Variants in VCAN observed in about 807,000 individuals in gnomAD.
The protein encoded by VCAN is versican core protein.
Under a neutral mutation model 245.5 loss-of-function variants are expected in VCAN, and 44 were observed. The ratio of observed to expected loss-of-function variants is 0.18; its 90% CI spans 0.14 to 0.23. The LOEUF (loss-of-function observed/expected upper bound fraction) is 0.23. Among genes scored for constraint, VCAN ranks in the 10% least tolerant of loss-of-function variants. VCAN has a pLI of 1.00. For synonymous variants in VCAN, 1,413 were observed against 1,437.0 expected (o/e 0.98, Z 0.38); for missense variants, 3,793 against 4,057.9 (o/e 0.93, Z 1.77).
Position 83,537,867 on chromosome 5 carries a change from G to A in VCAN, c.4864G>A (p.Ala1622Thr), listed in dbSNP as rs1182525987. 1.9e-6 allele frequency: 3 copies of A among 1,613,844 alleles called. No homozygotes were observed. The highest frequency in any genetic ancestry group is 4.5e-5 in the East Asian group (2 of 44,884). Residue 1622 changes from alanine to threonine, a missense_variant, in exon 8 of 15, where the codon GCA becomes ACA. This residue lies in a region of VCAN where 3,182 missense variants were observed against 3,250.3 expected (regional missense o/e 0.98). Transcript: ENST00000265077. ...GTCTACCAAAGAAAGCTGGGTAGAA[G>A]CAACTCCTAGACAAGTTGTAGAGCT... Reference protein sequence around the residue: ...LLSTKESWVEATPRQVVELSG... With the variant: ...LLSTKESWVETTPRQVVELSG...
At chr5:83,530,712 A>G (rs1206707583) in intron 7 of VCAN, among the ~76,000 whole-genome samples, 1 of 152,140 alleles carries the variant, frequency 6.6e-6, no homozygotes, top group African/African-American at 2.4e-5. Context: ...TTAAGCGAAT[A>G]GCTCCAAGAA....
intron 10 of VCAN, 133 bp from the exon 11 acceptor site, chr5:83,553,231 C>G (rs926466850): frequency 4.0e-6 from 5 of 1,244,538 alleles, no homozygotes; most frequent in Admixed American, 1.9e-5. Flanking sequence ...TCATCGTGAC[C>G]AAATTTTATG....
In VCAN at chr5:83,490,320, A is replaced by G; in HGVS notation, c.293A>G (p.Lys98Arg). Residue 98 changes from lysine (K) to arginine (R), a missense_variant, in exon 3 of 15, where the codon AAA (lysine) becomes AGA (arginine). By Grantham distance (26) the Lys-to-Arg change is conservative (BLOSUM62 2). Coordinates refer to ENST00000265077, the MANE Select transcript of VCAN (RefSeq NM_004385.5). ...NGNIKIGQDY[K>R]GRVSVPTHPE... ...AATATCAAGATTGGTCAGGACTACA[A>G]AGGGAGAGTGTCTGTGCCCACACAT... 1.2e-6 allele frequency: 2 copies of G among 1,614,154 alleles called. No individual in the cohort carries two copies. The highest frequency in any genetic ancestry group is 1.7e-6 in the Non-Finnish European group (2 of 1,180,038).
chr5:83,492,458 T>A (rs2112356794), intron 3 of VCAN, among the ~76,000 whole-genome samples: 1 of 152,358 alleles, frequency 6.6e-6, no homozygotes, highest in African/African-American at 2.4e-5. Flanking sequence ...CAGTGACTTC[T>A]CTGGCATATT....
At chr5:83,562,402 G>A (rs75756236) in intron 12 of VCAN, 4 of 152,084 alleles carry the variant, frequency 2.6e-5, no homozygotes, top group African/African-American at 7.2e-5. Flanking sequence ...GTTCTAGAAC[G>A]CAACTCTGCT....
chr5:83,572,458 T>G lies in VCAN; in HGVS notation c.9778T>G (p.Ser3260Ala). The change falls in exon 13 of 15, where the codon TCT (serine) becomes GCT (alanine). Residue 3260 changes from serine to alanine, a missense_variant. Around this residue, in one of 5 missense-constraint regions of VCAN, gnomAD observed 205 missense variants for 321.1 expected, o/e 0.64. Transcript: ENST00000265077. ...WRPNQPDSFFSAGEDCVVIIW... is the reference protein window; with the variant it reads ...WRPNQPDSFFAAGEDCVVIIW... ...ACCCAACCAGCCAGACAGCTTCTTT[T>G]CTGCTGGAGAAGACTGTGTTGTAAT... The G allele has an allele frequency of 6.2e-7, 1 of 1,613,972 alleles. No homozygotes were observed. Among genetic ancestry groups the G allele is most frequent in the East Asian group, 2.2e-5 (1 of 44,858 alleles).
intron 12 of VCAN, among the ~76,000 whole-genome samples, chr5:83,564,070 G>A (rs779082952): frequency 6.6e-6 from 1 of 152,172 alleles, no homozygotes; most frequent in Non-Finnish European, 1.5e-5. Context: ...CAACAGAATA[G>A]AATGCAGTCA....
intron 6 of VCAN, among the ~76,000 whole-genome samples, chr5:83,516,638 T>C (rs567724581): frequency 6.6e-6 from 1 of 152,352 alleles, no homozygotes; most frequent in African/African-American, 2.4e-5. Context: ...TCGTGTTGAT[T>C]TATGTTGGCT....
Position 83,512,171 on chromosome 5 carries a change from C to G in VCAN, c.817C>G (p.Gln273Glu), listed in dbSNP as rs1174055941. 6.2e-7 allele frequency: 1 copy of G among 1,614,096 alleles called. No individual in the cohort carries two copies. Among genetic ancestry groups the G allele is most frequent in the East Asian group, 2.2e-5 (1 of 44,868 alleles). ...GGAGGCTGCAAAAGAGTGTGAAAAC[C>G]AGGATGCCAGGCTGGCAACAGTGGG... is the stretch of plus-strand genomic sequence containing the variant. ...FEEAAKECEN[Q>E]DARLATVGEL... The change falls in exon 6 of 15, where the codon CAG (glutamine) becomes GAG (glutamate). Residue 273 changes from glutamine (Q) to glutamate (E), a missense_variant. Transcript: ENST00000265077.
At chr5:83,518,570 C>G (rs770233580) in intron 6 of VCAN, among the ~76,000 whole-genome samples, 1 of 152,078 alleles carries the variant, frequency 6.6e-6, no homozygotes, top group African/African-American at 2.4e-5. Context: ...TTAGGAGATA[C>G]AAACAGAGTG....
At chr5:83,476,698 T>A (rs1305924149) in intron 1 of VCAN, among the ~76,000 whole-genome samples, 1 of 152,102 alleles carries the variant, frequency 6.6e-6, no homozygotes, top group Non-Finnish European at 1.5e-5. Flanking sequence ...GGTGCGTGTG[T>A]GTGTGTATGT....
chr5:83,518,712 T>C (rs1265496865), intron 6 of VCAN, among the ~76,000 whole-genome samples: 2 of 152,194 alleles, frequency 1.3e-5, no homozygotes, highest in Non-Finnish European at 2.9e-5. Flanking sequence ...GTCCAACACC[T>C]GGGATCAAGT....
chr5:83,494,690 C>T lies in VCAN; in HGVS notation c.748+759C>T, dbSNP rs534081500. On this transcript the variant is annotated intron_variant, in intron 5 of 14. Transcript: ENST00000265077. ...ACAGGGAGGTGGGCACAGTGGCTCACGCCTGTAGTCCCAGCACTTTGGGAG... is the reference window on the plus strand; with the variant it reads ...ACAGGGAGGTGGGCACAGTGGCTCATGCCTGTAGTCCCAGCACTTTGGGAG... Among the ~76,000 whole-genome samples the T allele has an allele frequency of 8.5e-5, 13 of 152,310 alleles. 1 individual carries two copies. Among genetic ancestry groups the T allele is most frequent in the South Asian group, 8.3e-4 (4 of 4,820 alleles).
Position 83,537,628 on chromosome 5 carries a change from T to C in VCAN, c.4625T>C (p.Leu1542Pro), listed in dbSNP as rs1349189124. The change falls in exon 8 of 15, where the codon CTG (leucine) becomes CCG (proline). Residue 1542 changes from leucine to proline, a missense_variant. By Grantham distance (98) the Leu-to-Pro change is moderately conservative (BLOSUM62 -3). Transcript: ENST00000265077. ...QAHEHTEPVS[L>P]FPEESSGEIA... is the part of the protein sequence containing the mutation. ...CATGAACATACTGAACCTGTATCTC[T>C]GTTTCCTGAAGAGTCTTCAGGAGAG... 2.5e-6 allele frequency: 4 copies of C among 1,613,844 alleles called. No homozygotes were observed. The East Asian group carries it at 8.9e-5, about 36-fold the overall frequency.
At chr5:83,497,779 A>G (rs1485888310) in intron 5 of VCAN, among the ~76,000 whole-genome samples, 2 of 152,202 alleles carry the variant, frequency 1.3e-5, no homozygotes, top group Non-Finnish European at 2.9e-5. Context: ...TAGGTAAAGG[A>G]TCGGAATTAT....
chr5:83,521,155 A>C lies in VCAN; in HGVS notation c.2849A>C (p.Glu950Ala). 1.2e-6 allele frequency: 2 copies of C among 1,613,776 alleles called. No individual in the cohort carries two copies. Among genetic ancestry groups the C allele is most frequent in the Non-Finnish European group, 1.7e-6 (2 of 1,179,770 alleles). The change falls in exon 7 of 15, where the codon GAA (glutamate) becomes GCA (alanine). Residue 950 changes from glutamate to alanine, a missense_variant. Glu to Ala is a moderately radical substitution (Grantham distance 107). Transcript: ENST00000265077. ...VPQFAHTSEV[E>A]GLAFVSYSST... The stretch of plus-strand genomic sequence containing the variant: ...CAATTTGCACACACTTCAGAGGTGG[A>C]AGGATTAGCATTTGTTAGTTATAGT...
intron 5 of VCAN, among the ~76,000 whole-genome samples, chr5:83,498,272 C>T (rs1745221575): frequency 6.6e-6 from 1 of 152,290 alleles, no homozygotes; most frequent in South Asian, 2.1e-4. Flanking sequence ...TATAATTACC[C>T]TCTTGCAAAT....
chr5:83,487,889 T>C (rs1744847221), intron 2 of VCAN, among the ~76,000 whole-genome samples: 1 of 152,146 alleles, frequency 6.6e-6, no homozygotes, highest in Admixed American at 6.5e-5. Context: ...TGAAGAGAAA[T>C]ATAATTTGTA....
chr5:83,496,040 A>G (rs532415327), intron 5 of VCAN, among the ~76,000 whole-genome samples: 2 of 152,326 alleles, frequency 1.3e-5, no homozygotes, highest in South Asian at 2.1e-4. Context: ...GAAGTCCCAG[A>G]AATTTCAGGG....
Sources: gnomAD v4.1 joint callset for allele counts (sites outside exome capture counted in the v4.1 genomes callset) on GRCh38, gnomAD v4.1.1 for gene constraint, gnomAD v4.1.1 regional missense constraint, MANE v1.5 for transcripts, NCBI Gene and HGNC (gene_info 2026-07-23, HGNC 2026-07-21) for gene names.